GRID1: variants seen among roughly 807,000 people sequenced by gnomAD.
GRID1 encodes the protein glutamate receptor ionotropic, delta-1.
In GRID1, 28 loss-of-function variants were observed where a neutral mutation model predicts 98.0. The observed-to-expected ratio is 0.29, with a 90% CI of 0.21 to 0.39. The LOEUF is 0.39. GRID1 is among the 10% of genes least tolerant of loss of function. The pLI is 1.00. For missense variants in GRID1, 1,111 were observed against 1,340.5 expected, an observed-to-expected ratio of 0.83 and a Z score of 2.67; for synonymous variants, 553 against 538.5, an observed-to-expected ratio of 1.03 and a Z score of -0.37.
chr10:86,303,520 G>A (rs556764876), intron 2 of GRID1, among the ~76,000 whole-genome samples: 42 of 152,272 alleles, frequency 2.8e-4, no homozygotes, highest in African/African-American at 9.9e-4. Flanking sequence ...CCTCTCTCGA[G>A]CACTCACTAT....
intron 4 of GRID1, among the ~76,000 whole-genome samples, chr10:85,998,967 C>T (rs1161983019): frequency 6.6e-6 from 1 of 152,202 alleles, no homozygotes; most frequent in South Asian, 2.1e-4. Context: ...AATCCCAGCG[C>T]TTTGGGAGGC....
At chr10:86,037,473 T>C (rs543738305) in intron 4 of GRID1, among the ~76,000 whole-genome samples, 4 of 152,324 alleles carry the variant, frequency 2.6e-5, no homozygotes, top group East Asian at 1.9e-4. Context: ...ATGCAAAGTG[T>C]TTAGACCAGG....
chr10:86,199,471 G>A (rs1845918459), intron 3 of GRID1, among the ~76,000 whole-genome samples: 1 of 152,110 alleles, frequency 6.6e-6, no homozygotes, highest in Non-Finnish European at 1.5e-5. Flanking sequence ...CCACAGCTTT[G>A]CCAAGAGGCT....
At chr10:86,363,181 G>A (rs1848624011) in intron 2 of GRID1, among the ~76,000 whole-genome samples, 1 of 152,262 alleles carries the variant, frequency 6.6e-6, no homozygotes, top group African/African-American at 2.4e-5. Context: ...GAACGCCCTC[G>A]CCTCGCACCT....
At position 85,601,920 on chromosome 10, in the gene GRID1, C is replaced by G. The variant is rs1338031221; in HGVS notation, c.*353G>C. On this transcript the variant is annotated 3_prime_UTR_variant, in exon 16 of 16. Transcript: ENST00000327946. ...CCTTCTCCCCCAGCAGAGAGGGGCTCCTTATCTGGTCGCCCCTCCTGCCCT... is the reference window on the plus strand; with the variant it reads ...CCTTCTCCCCCAGCAGAGAGGGGCTGCTTATCTGGTCGCCCCTCCTGCCCT... 1 of 212,410 alleles carries G rather than the reference C, an allele frequency of 4.7e-6. No homozygotes were observed. The highest frequency in any genetic ancestry group is 9.3e-6 in the Non-Finnish European group (1 of 107,440). 13.2% of individuals were successfully genotyped at this position (212,410 alleles called of 1,614,324 possible).
At chr10:85,719,276 C>T (rs143286330) in intron 12 of GRID1, among the ~76,000 whole-genome samples, 95 of 152,260 alleles carry the variant, frequency 6.2e-4, no homozygotes, top group African/African-American at 1.9e-3. Context: ...TCTTCTGAGC[C>T]GTCCAAACTG....
Position 85,724,480 on chromosome 10 carries a change from C to A in GRID1, c.1730G>T (p.Gly577Val), listed in dbSNP as rs1206596307. The A allele has an allele frequency of 6.2e-7, 1 of 1,614,176 alleles. No individual in the cohort carries two copies. The highest frequency in any genetic ancestry group is 8.5e-7 in the Non-Finnish European group (1 of 1,180,022). ...ACIAAAIPVV[G>V]VLIFVLNRIQ... is the part of the protein sequence containing the mutation. ...CCTGTTCAACACAAATATCAGCACACCAACCACAGGGATGGCTGCTGCAAT... is the reference window on the plus strand; with the variant it reads ...CCTGTTCAACACAAATATCAGCACAACAACCACAGGGATGGCTGCTGCAAT... Residue 577 changes from glycine (G) to valine (V), a missense_variant, in exon 11 of 16, where the codon GGT becomes GTT. Physicochemically the swap from Gly to Val is moderately radical, Grantham distance 109 (BLOSUM62 -3). Coordinates refer to ENST00000327946, the MANE Select transcript of GRID1 (RefSeq NM_017551.3).
At chr10:85,844,864 G>C (rs1842991663) in intron 8 of GRID1, among the ~76,000 whole-genome samples, 1 of 151,960 alleles carries the variant, frequency 6.6e-6, no homozygotes, top group South Asian at 2.1e-4. Context: ...TATCTTGATA[G>C]ATGCAAAATA....
chr10:85,879,436 G>A (rs990327475), intron 5 of GRID1, among the ~76,000 whole-genome samples: 4 of 152,216 alleles, frequency 2.6e-5, no homozygotes, highest in African/African-American at 9.7e-5. Flanking sequence ...AGACCACAGT[G>A]TAATCAAACT....
At chr10:86,062,217 G>C (rs1431894642) in intron 4 of GRID1, among the ~76,000 whole-genome samples, 1 of 152,138 alleles carries the variant, frequency 6.6e-6, no homozygotes, top group Non-Finnish European at 1.5e-5. Context: ...CTGGCTCCTG[G>C]AGCCATGTTG....
chr10:86,270,042 C>T (rs1185789222), intron 2 of GRID1, among the ~76,000 whole-genome samples: 3 of 152,198 alleles, frequency 2.0e-5, no homozygotes, highest in African/African-American at 2.4e-5. Context: ...TGTAGGTCTT[C>T]CTGGAACAGC....
At chr10:86,148,605 G>A (rs559997935) in intron 3 of GRID1, among the ~76,000 whole-genome samples, 9 of 152,104 alleles carry the variant, frequency 5.9e-5, no homozygotes, top group African/African-American at 7.2e-5. Flanking sequence ...TAACAGACTC[G>A]ATTTTAAGTG....
At chr10:85,784,466 C>T (rs1278648607) in intron 8 of GRID1, among the ~76,000 whole-genome samples, 3 of 152,188 alleles carry the variant, frequency 2.0e-5, no homozygotes, top group Admixed American at 6.5e-5. Context: ...CTCTGTCCAC[C>T]GCCATGGCTA....
At chr10:86,012,272 A>G (rs1842930727) in intron 4 of GRID1, among the ~76,000 whole-genome samples, 1 of 152,218 alleles carries the variant, frequency 6.6e-6, no homozygotes, top group Non-Finnish European at 1.5e-5. Context: ...CCTGGTCTCC[A>G]CAGGCTGTAA....
intron 4 of GRID1, among the ~76,000 whole-genome samples, chr10:85,941,417 T>C (rs982488575): frequency 6.6e-6 from 1 of 152,250 alleles, no homozygotes; most frequent in Non-Finnish European, 1.5e-5. Context: ...TGCATATCTA[T>C]ATGCTGTGAA....
rs1842547603 is a variant in GRID1, at chr10:85,599,805, AT to A, written c.*2467del. ...GAAAATTCTAAAAAAAAAAAAAAAT[AT>A]ATATATATATATATAAACATGGTGA... On this transcript the variant is annotated 3_prime_UTR_variant, in exon 16 of 16. Coordinates refer to ENST00000327946, the MANE Select transcript of GRID1 (RefSeq NM_017551.3). 3.5e-5 allele frequency: 4 copies of A among 112,866 alleles called. No individual in the cohort carries two copies. The highest frequency in any genetic ancestry group is 1.4e-4 in the African/African-American group (4 of 28,446). 7.0% of individuals were successfully genotyped at this position (112,866 alleles called of 1,614,324 possible). A position where few individuals can be genotyped will look rare whatever the true frequency, so the allele number is the denominator to read the frequency against.
intron 8 of GRID1, among the ~76,000 whole-genome samples, chr10:85,771,629 T>A (rs1423741099): frequency 6.6e-6 from 1 of 152,118 alleles, no homozygotes; most frequent in African/African-American, 2.4e-5. Context: ...TAGAGGAAGA[T>A]CTACCAAGCA....
intron 4 of GRID1, among the ~76,000 whole-genome samples, chr10:86,093,948 AAAATACTAGCTAACC>A (rs2131940100): frequency 6.6e-6 from 1 of 152,352 alleles, no homozygotes; most frequent in South Asian, 2.1e-4. Context: ...AAATCTTAAC[AAAATACTAGCTAACC>A]AAATCCTACA....
chr10:85,631,509 A>G (rs1842975227), intron 13 of GRID1, among the ~76,000 whole-genome samples: 1 of 152,230 alleles, frequency 6.6e-6, no homozygotes, highest in Non-Finnish European at 1.5e-5. Context: ...TAGTAAAATA[A>G]GGTTTCTTAT....
Sources: gnomAD v4.1 joint callset for allele counts (sites outside exome capture counted in the v4.1 genomes callset) on GRCh38, gnomAD v4.1.1 for gene constraint, MANE v1.5 for transcripts, NCBI Gene and HGNC (gene_info 2026-07-23, HGNC 2026-07-21) for gene names.